The following ALKBH2 variants were observed in gnomAD, a reference collection of about 807,000 sequenced individuals.
ALKBH2 encodes the protein alkB homolog 2, alpha-ketoglutarate dependent dioxygenase.
Under a neutral mutation model 19.7 loss-of-function variants are expected in ALKBH2, and 19 were observed. The ratio of observed to expected loss-of-function variants is 0.97; its 90% CI spans 0.67 to 1.42. ALKBH2 has a LOEUF of 1.42. Among genes scored for constraint, ALKBH2 ranks in the 40% most tolerant of loss-of-function variants. The pLI is 0.00. For synonymous variants in ALKBH2, 135 were observed against 131.2 expected (o/e 1.03, Z -0.20); for missense variants, 310 against 328.5 (o/e 0.94, Z 0.43).
Position 109,088,600 on chromosome 12 carries a change from G to T in ALKBH2, c.480-88C>A, listed in dbSNP as rs922004794. ...CCAGCCCTCGTTTTCCTCACAGTGT[G>T]AAACAGCACTCTGCATGGCTGTACC... On this transcript the variant is annotated intron_variant, in intron 3 of 3. Coordinates refer to ENST00000429722, the MANE Select transcript of ALKBH2 (RefSeq NM_001145374.2). The surrounding 1 kb of genome is among the most constrained non-coding windows in gnomAD (Gnocchi z 4.2). 14 of 1,268,320 alleles carry T rather than the reference G, an allele frequency of 1.1e-5. No homozygotes were observed. Among genetic ancestry groups the T allele is most frequent in the African/African-American group, 1.5e-5 (1 of 66,898 alleles). 78.6% of individuals were successfully genotyped at this position (1,268,320 alleles called of 1,614,324 possible). A position where few individuals can be genotyped will look rare whatever the true frequency, so the allele number is the denominator to read the frequency against.
chr12:109,091,256 T>C (rs1293678923), intron 2 of ALKBH2, among the ~76,000 whole-genome samples: 1 of 152,156 alleles, frequency 6.6e-6, no homozygotes, highest in Non-Finnish European at 1.5e-5. Context: ...CTTGGTGGTG[T>C]ACATCTGTGG....
At chr12:109,090,316 A>C in intron 2 of ALKBH2, 109 bp from the exon 3 acceptor site, 13 of 851,616 alleles carry the variant, frequency 1.5e-5, no homozygotes, top group Non-Finnish European at 2.5e-5. Flanking sequence ...CCCCACATAC[A>C]TGCTCCCTGG....
In ALKBH2 at chr12:109,088,999, C is replaced by T. The variant is rs2042015183; in HGVS notation, c.480-487G>A. Among the ~76,000 whole-genome samples the T allele has an allele frequency of 6.6e-6, 1 of 152,178 alleles. No homozygotes were observed. Among genetic ancestry groups the T allele is most frequent in the Non-Finnish European group, 1.5e-5 (1 of 68,038 alleles). ...TGTTGGGATTACAGGCATGAGTCAC[C>T]ACGTCCGGCCAGTTCATGTGCTTTA... is the stretch of plus-strand genomic sequence containing the variant. On this transcript the variant is annotated intron_variant, in intron 3 of 3. Coordinates refer to ENST00000429722, the MANE Select transcript of ALKBH2 (RefSeq NM_001145374.2). This position sits in a 1 kb window ranked among gnomAD's most constrained non-coding sequence, Gnocchi z 4.2.
chr12:109,091,880 G>C (rs1288230745), intron 2 of ALKBH2, among the ~76,000 whole-genome samples: 1 of 152,146 alleles, frequency 6.6e-6, no homozygotes, highest in Non-Finnish European at 1.5e-5. Context: ...CTCTCTGCCA[G>C]ATCCTTGTGT....
rs765475985 is a variant in ALKBH2 at position 109,088,306 on chromosome 12, G to A, written c.686C>T (p.Pro229Leu). 51 of 1,614,042 alleles carry A rather than the reference G, an allele frequency of 3.2e-5. No homozygotes were observed. The highest frequency in any genetic ancestry group is 4.0e-5 in the Non-Finnish European group (47 of 1,180,038). ...AHGSLLMMNHPTNTHWYHSLP... is the reference protein window; with the variant it reads ...AHGSLLMMNHLTNTHWYHSLP... ...ACTGTGGTACCAGTGCGTGTTGGTCGGGTGGTTCATCATTAGTAAGCTCCC... is the reference window on the plus strand; with the variant it reads ...ACTGTGGTACCAGTGCGTGTTGGTCAGGTGGTTCATCATTAGTAAGCTCCC... Residue 229 changes from proline (P) to leucine (L), a missense_variant, in exon 4 of 4, where the codon CCG becomes CTG. By Grantham distance (98) the Pro-to-Leu change is moderately conservative. Coordinates refer to ENST00000429722, the MANE Select transcript of ALKBH2 (RefSeq NM_001145374.2). This position sits in a 1 kb window ranked among gnomAD's most constrained non-coding sequence, Gnocchi z 4.2.
Position 109,088,622 on chromosome 12 carries a change from T to G in ALKBH2, c.480-110A>C. ...TGTGAAACAGCACTCTGCATGGCTG[T>G]ACCTGCCGTTGTTTCTGCGAGGGCT... On this transcript the variant is annotated intron_variant, in intron 3 of 3. Coordinates refer to ENST00000429722, the MANE Select transcript of ALKBH2 (RefSeq NM_001145374.2). This position sits in a 1 kb window ranked among gnomAD's most constrained non-coding sequence, Gnocchi z 4.2. 2 of 1,030,104 alleles carry G rather than the reference T, an allele frequency of 1.9e-6. No individual in the cohort carries two copies. Among genetic ancestry groups the G allele is most frequent in the Admixed American group, 2.8e-5 (1 of 35,524 alleles). The allele number at this position is 1,030,104 out of a possible 1,614,324, so 63.8% of individuals were successfully genotyped here. A position where few individuals can be genotyped will look rare whatever the true frequency, so the allele number is the denominator to read the frequency against.
chr12:109,090,162 G>C lies in ALKBH2; in HGVS notation c.326C>G (p.Pro109Arg). ...VQVFGKWHSV[P>R]RKQATYGDAG... ...GTCGCCATACGTTGCCTGCTTCCTG[G>C]GCACACTGTGCCACTTCCCGAATAC... is the stretch of plus-strand genomic sequence containing the variant. Residue 109 changes from proline (P) to arginine (R), a missense_variant, in exon 3 of 4, where the codon CCC (proline) becomes CGC (arginine). Coordinates refer to ENST00000429722, the MANE Select transcript of ALKBH2 (RefSeq NM_001145374.2). 6.2e-7 allele frequency: 1 copy of C among 1,614,024 alleles called. No homozygotes were observed. The highest frequency in any genetic ancestry group is 8.5e-7 in the Non-Finnish European group (1 of 1,180,020).
chr12:109,092,682 T>A lies in ALKBH2; in HGVS notation c.105A>T (p.Glu35Asp), dbSNP rs1230878915. 2 of 1,613,676 alleles carry A rather than the reference T, an allele frequency of 1.2e-6. No homozygotes were observed. The highest frequency in any genetic ancestry group is 1.7e-6 in the Non-Finnish European group (2 of 1,179,972). The change falls in exon 2 of 4, where the codon GAA becomes GAT. Residue 35 changes from glutamate (E) to aspartate (D), a missense_variant. By Grantham distance (45) the Glu-to-Asp change is conservative (BLOSUM62 2). Coordinates refer to ENST00000429722, the MANE Select transcript of ALKBH2 (RefSeq NM_001145374.2). Reference protein sequence around the residue: ...EEPAVLGGDKESTRKRPRREA... With the variant: ...EEPAVLGGDKDSTRKRPRREA... The stretch of plus-strand genomic sequence containing the variant: ...CTCTCCTGGGCCTCTTCCTTGTGCT[T>A]TCTTTGTCTCCTCCCAACACAGCTG...
intron 2 of ALKBH2, among the ~76,000 whole-genome samples, chr12:109,091,807 C>CA (rs2042064804): frequency 6.6e-6 from 1 of 152,214 alleles, no homozygotes; most frequent in South Asian, 2.1e-4. Context: ...GTCTCGGGCT[C>CA]CCAAAGTGCT....
Position 109,092,537 on chromosome 12 carries a change from C to T in ALKBH2, c.250G>A (p.Glu84Lys). The change falls in exon 2 of 4, where the codon GAG (glutamate) becomes AAG (lysine). Residue 84 changes from glutamate to lysine, a missense_variant. Glu to Lys is a moderately conservative substitution (Grantham distance 56). Transcript: ENST00000429722. The stretch of plus-strand genomic sequence containing the variant: ...AAATATTCTACTTCTTTCTCCAACT[C>T]TTGGAAAATCTCATCTGCCTCAGCT... ...GKAEADEIFQ[E>K]LEKEVEYFTG... is the part of the protein sequence containing the mutation. The T allele has an allele frequency of 6.3e-7, 1 of 1,599,334 alleles. No homozygotes were observed. Among genetic ancestry groups the T allele is most frequent in the South Asian group, 1.1e-5 (1 of 89,704 alleles).
Position 109,092,901 on chromosome 12 carries a change from A to G in ALKBH2, c.-115T>C. 1 of 1,497,406 alleles carries G rather than the reference A, an allele frequency of 6.7e-7. No homozygotes were observed. The highest frequency in any genetic ancestry group is 2.4e-5 in the Admixed American group (1 of 41,884). The allele number at this position is 1,497,406 out of a possible 1,614,324, so 92.8% of individuals were successfully genotyped here. A position where few individuals can be genotyped will look rare whatever the true frequency, so the allele number is the denominator to read the frequency against. On this transcript the variant is annotated 5_prime_UTR_variant, in exon 2 of 4. Transcript: ENST00000429722. ...CAAGGGGTCTCACAGCAACATTCCT[A>G]GTTTCACATTTTCATTTTAAAGTTT...
chr12:109,091,757 C>A (rs1460861673), intron 2 of ALKBH2, among the ~76,000 whole-genome samples: 1 of 152,170 alleles, frequency 6.6e-6, no homozygotes, highest in Non-Finnish European at 1.5e-5. Flanking sequence ...ACCATATTGG[C>A]CAAGCTGGTC....
chr12:109,091,075 G>A (rs1415612686), intron 2 of ALKBH2, among the ~76,000 whole-genome samples: 4 of 152,198 alleles, frequency 2.6e-5, no homozygotes, highest in African/African-American at 9.6e-5. Flanking sequence ...CACTGCTGGG[G>A]TCTCTTGTGG....
At chr12:109,090,264 A>G (rs1460004943) in intron 2 of ALKBH2, 57 bp from the exon 3 acceptor site, 1 of 1,531,004 alleles carries the variant, frequency 6.5e-7, no homozygotes, top group East Asian at 2.3e-5. Flanking sequence ...AGAAATCCAG[A>G]TGCCCCCCCC....
intron 3 of ALKBH2, 25 bp downstream of exon 3, chr12:109,089,984 T>C: frequency 6.2e-7 from 1 of 1,612,856 alleles, no homozygotes. Context: ...ACTTGTAACA[T>C]TGAGTCCACT....
rs769527290 is a variant in ALKBH2 at position 109,090,017 on chromosome 12, G to A, written c.471C>T (p.Leu157=). Reference sequence around the variant, plus strand: ...ACTAAACAGGGTGTCACCTGTTGATGAGCACAAAGTTGAAGGTCTGTCCAG... The same window carrying A: ...ACTAAACAGGGTGTCACCTGTTGATAAGCACAAAGTTGAAGGTCTGTCCAG... ...GVTGQTFNFV[L]INRYKDGCDH... Residue 157 remains leucine (L), a synonymous_variant, in exon 3 of 4, where the codon CTC becomes CTT. Coordinates refer to ENST00000429722, the MANE Select transcript of ALKBH2 (RefSeq NM_001145374.2). 8 of 1,614,160 alleles carry A rather than the reference G, an allele frequency of 5.0e-6. No homozygotes were observed. Among genetic ancestry groups the A allele is most frequent in the South Asian group, 3.3e-5 (3 of 91,074 alleles).
intron 3 of ALKBH2, chr12:109,089,748 CAA>C (rs565703128): frequency 2.8e-3 from 1,092 of 394,546 alleles, no homozygotes; most frequent in Middle Eastern, 4.3e-3. Context: ...AACCCTGTCT[CAA>C]AAAAAAAAAA....
intron 3 of ALKBH2, among the ~76,000 whole-genome samples, chr12:109,089,015 A>T (rs1332946412): frequency 6.6e-6 from 1 of 152,136 alleles, no homozygotes; most frequent in African/African-American, 2.4e-5. Flanking sequence ...CGGCCAGTTC[A>T]TGTGCTTTAA....
rs1372340588 is a variant in ALKBH2 at position 109,089,883 on chromosome 12, C to T, written c.479+126G>A. ...AAGACCGAGTGCTGGCGCTATTCCA[C>T]TCTTAGAGCCCCAGTGTACTAAGAA... On this transcript the variant is annotated intron_variant, in intron 3 of 3. Transcript: ENST00000429722. The T allele has an allele frequency of 3.9e-6, 4 of 1,013,038 alleles. No homozygotes were observed. The Admixed American group carries it at 8.5e-5, about 21-fold the overall frequency. 62.8% of individuals were successfully genotyped at this position (1,013,038 alleles called of 1,614,324 possible).
Sources: gnomAD v4.1 joint callset for allele counts (sites outside exome capture counted in the v4.1 genomes callset) on GRCh38, gnomAD v4.1.1 for gene constraint, Gnocchi (gnomAD v3.1) non-coding constraint, MANE v1.5 for transcripts, NCBI Gene and HGNC (gene_info 2026-07-23, HGNC 2026-07-21) for gene names.